Variants in GLRA3 observed in about 807,000 individuals in gnomAD.
The protein encoded by GLRA3 is glycine receptor alpha 3.
GLRA3 carries 44 observed loss-of-function variants against 60.4 expected under a neutral mutation model. The observed-to-expected ratio is 0.73, with a 90% CI of 0.57 to 0.94. The LOEUF (loss-of-function observed/expected upper bound fraction) is 0.94. Among genes scored for constraint, GLRA3 ranks in the 40% least tolerant of loss-of-function variants. The pLI is 0.00. For missense variants in GLRA3, 508 were observed against 564.6 expected (o/e 0.90, Z 1.02); for synonymous variants, 223 against 192.9 (o/e 1.16, Z -1.29).
At chr4:174,647,013 C>T (rs1280694594) in intron 9 of GLRA3, among the ~76,000 whole-genome samples, 2 of 152,252 alleles carry the variant, frequency 1.3e-5, no homozygotes, top group East Asian at 1.9e-4. Flanking sequence ...GAACATGGAT[C>T]GCACAGGTTT....
At chr4:174,766,881 G>A in intron 3 of GLRA3, 82 bp downstream of exon 3, 1 of 709,584 alleles carries the variant, frequency 1.4e-6, no homozygotes, top group Non-Finnish European at 2.5e-6. Flanking sequence ...ACTAATTTGG[G>A]TTTTAAATTA....
intron 1 of GLRA3, among the ~76,000 whole-genome samples, chr4:174,803,466 T>C (rs1034274870): frequency 6.6e-6 from 1 of 152,174 alleles, no homozygotes; most frequent in African/African-American, 2.4e-5. Context: ...TAAGGTACCA[T>C]GATACAATGG....
chr4:174,796,168 C>G (rs2111326627), intron 1 of GLRA3, among the ~76,000 whole-genome samples: 1 of 151,960 alleles, frequency 6.6e-6, no homozygotes, highest in South Asian at 2.1e-4. Context: ...TGAAAGAGGC[C>G]CCAGAGATTT....
chr4:174,722,810 T>C (rs1426925652), intron 4 of GLRA3: 1 of 167,050 alleles, frequency 6.0e-6, no homozygotes, highest in Non-Finnish European at 1.5e-5. Flanking sequence ...ATTTTTTCTT[T>C]TTCTAGCACA....
chr4:174,747,543 G>C (rs1201375054), intron 3 of GLRA3, among the ~76,000 whole-genome samples: 1 of 152,148 alleles, frequency 6.6e-6, no homozygotes, highest in African/African-American at 2.4e-5. Context: ...GGTAGTAAGG[G>C]AGGAGCAGAG....
intron 1 of GLRA3, among the ~76,000 whole-genome samples, chr4:174,789,848 G>A (rs773722289): frequency 2.5e-4 from 38 of 152,230 alleles, no homozygotes; most frequent in Middle Eastern, 3.4e-3. Context: ...ACTTCCTGAA[G>A]ATCATCAATC....
intron 1 of GLRA3, among the ~76,000 whole-genome samples, chr4:174,799,242 T>C (rs1739710478): frequency 6.6e-6 from 1 of 152,210 alleles, no homozygotes; most frequent in South Asian, 2.1e-4. Flanking sequence ...TATAGAAAAG[T>C]TAGTAATTTT....
intron 7 of GLRA3, among the ~76,000 whole-genome samples, chr4:174,673,038 T>A (rs1012391179): frequency 6.6e-6 from 1 of 152,148 alleles, no homozygotes; most frequent in Non-Finnish European, 1.5e-5. Flanking sequence ...TGTGTACTTC[T>A]GCAGATGATA....
At chr4:174,750,537 T>C (rs1427070093) in intron 3 of GLRA3, among the ~76,000 whole-genome samples, 1 of 152,082 alleles carries the variant, frequency 6.6e-6, no homozygotes, top group Admixed American at 6.6e-5. Flanking sequence ...TATTAGTAAA[T>C]GAAAGGCCAG....
intron 1 of GLRA3, among the ~76,000 whole-genome samples, chr4:174,794,932 T>A (rs959307885): frequency 6.6e-6 from 1 of 152,010 alleles, no homozygotes; most frequent in Admixed American, 6.6e-5. Flanking sequence ...TAGTGGCTCA[T>A]TCATTTATTT....
At chr4:174,799,518 T>C (rs998286365) in intron 1 of GLRA3, among the ~76,000 whole-genome samples, 1 of 152,206 alleles carries the variant, frequency 6.6e-6, no homozygotes, top group South Asian at 2.1e-4. Context: ...GAAAACTTTA[T>C]GGATTTAGTA....
intron 7 of GLRA3, among the ~76,000 whole-genome samples, chr4:174,662,903 C>T (rs1454197261): frequency 2.0e-5 from 3 of 150,278 alleles, no homozygotes; most frequent in African/African-American, 7.4e-5. Flanking sequence ...GTTTTGGTCA[C>T]CATCACATCA....
intron 2 of GLRA3, among the ~76,000 whole-genome samples, chr4:174,781,279 A>G (rs1399931730): frequency 1.3e-5 from 2 of 150,916 alleles, no homozygotes; most frequent in Admixed American, 6.6e-5. Context: ...GAACAAAGAC[A>G]CAACATACCA....
intron 1 of GLRA3, among the ~76,000 whole-genome samples, chr4:174,803,482 G>C (rs1739904619): frequency 6.6e-6 from 1 of 152,080 alleles, no homozygotes; most frequent in Admixed American, 6.6e-5. Flanking sequence ...AATGGATGAG[G>C]CTCCAGATGG....
intron 3 of GLRA3, among the ~76,000 whole-genome samples, chr4:174,759,191 G>A (rs1457007871): frequency 6.6e-6 from 1 of 151,992 alleles, no homozygotes; most frequent in Non-Finnish European, 1.5e-5. Context: ...CTGACAGGAA[G>A]AAATTAACAT....
intron 9 of GLRA3, among the ~76,000 whole-genome samples, chr4:174,647,903 T>C (rs1285786083): frequency 1.3e-5 from 2 of 152,184 alleles, no homozygotes; most frequent in African/African-American, 4.8e-5. Context: ...ATGAGGCTAG[T>C]AGCTACCAAA....
intron 2 of GLRA3, among the ~76,000 whole-genome samples, chr4:174,781,772 T>C (rs934754531): frequency 6.6e-5 from 10 of 151,864 alleles, no homozygotes; most frequent in African/African-American, 2.2e-4. Flanking sequence ...CAGGAAGAAG[T>C]TGAATCTCTG....
intron 1 of GLRA3, among the ~76,000 whole-genome samples, chr4:174,819,513 A>G (rs1740647869): frequency 6.6e-6 from 1 of 152,166 alleles, no homozygotes; most frequent in Non-Finnish European, 1.5e-5. Flanking sequence ...CCCAAATTCT[A>G]TCACCTGCTC....
rs149325552 is a variant in GLRA3 at position 174,717,039 on chromosome 4, A to AAT, written c.492-1471_492-1470dup. ...AACATAAAAATACTCTATCTCTACA[A>AAT]ATATATATATATATATATTTTAAAT... On this transcript the variant is annotated intron_variant, in intron 4 of 9. Coordinates refer to ENST00000274093, the MANE Select transcript of GLRA3 (RefSeq NM_006529.4). Among the ~76,000 whole-genome samples, 1,273 of 147,650 alleles carry AAT rather than the reference A, an allele frequency of 8.6e-3. 17 individuals are homozygous for AAT. The highest frequency in any genetic ancestry group is 0.033 in the South Asian group (156 of 4,672).
Sources: allele counts gnomAD v4.1 joint callset (sites outside exome capture counted in the v4.1 genomes callset), GRCh38; gene constraint gnomAD v4.1.1; transcripts MANE v1.5; gene names NCBI Gene and HGNC (gene_info 2026-07-23, HGNC 2026-07-21).